WT1: variants seen among roughly 807,000 people sequenced by gnomAD.
The protein encoded by WT1 is WT1 transcription factor.
A neutral mutation model predicts 60.8 loss-of-function variants in WT1; 8 were observed. The observed-to-expected ratio is 0.13, with a 90% CI of 0.08 to 0.24. The LOEUF is 0.24. Ranked by LOEUF, WT1 falls within the 10% of genes least tolerant of loss-of-function variation. The pLI, the probability that WT1 is intolerant of heterozygous loss-of-function variation, is 1.00. For synonymous variants in WT1, 312 were observed against 297.1 expected, an observed-to-expected ratio of 1.05 and a Z score of -0.52; for missense variants, 568 against 711.8, an observed-to-expected ratio of 0.80 and a Z score of 2.30.
chr11:32,430,487 AG>A, intron 1 of WT1: 1 of 1,591,030 alleles, frequency 6.3e-7, no homozygotes. Flanking sequence ...AGAGAGAGAG[AG>A]AGACGAAATA....
At chr11:32,428,187 A>G in intron 2 of WT1, 129 bp from the exon 3 acceptor site, 1 of 939,864 alleles carries the variant, frequency 1.1e-6, no homozygotes, top group Non-Finnish European at 1.6e-6. Flanking sequence ...AGCGGCGTGC[A>G]GAGCGAGGCC....
At chr11:32,410,533 T>G (rs1201921698) in intron 5 of WT1, among the ~76,000 whole-genome samples, 2 of 152,196 alleles carry the variant, frequency 1.3e-5, no homozygotes. Flanking sequence ...TTCCAGAATT[T>G]TTTCTCTGAA....
At position 32,428,529 on chromosome 11, in the gene WT1, T is replaced by G; in HGVS notation, c.752A>C (p.His251Pro). ...GCCCTGCTGGCCCATGGGATCCTCATGCTTGAATGAGTGGTTGGGGAACTG... is the reference window on the plus strand; with the variant it reads ...GCCCTGCTGGCCCATGGGATCCTCAGGCTTGAATGAGTGGTTGGGGAACTG... The change falls in exon 2 of 10, where the codon CAT (histidine) becomes CCT (proline). Residue 251 changes from histidine to proline, a missense_variant. By Grantham distance (77) the His-to-Pro change is moderately conservative (BLOSUM62 -2). Transcript: ENST00000452863. 6.2e-7 allele frequency: 1 copy of G among 1,614,152 alleles called. No homozygotes were observed. The highest frequency in any genetic ancestry group is 1.3e-5 in the African/African-American group (1 of 75,060).
intron 1 of WT1, chr11:32,430,698 G>T: frequency 7.0e-7 from 1 of 1,422,944 alleles, no homozygotes; most frequent in Non-Finnish European, 9.2e-7. Context: ...AAGGATGCCC[G>T]TGGCCCGCGA....
At position 32,431,808 on chromosome 11, in the gene WT1, C is replaced by A. The variant is rs183922450; in HGVS notation, c.661+2892G>T. 3.0e-4 allele frequency among the ~76,000 whole-genome samples: 45 copies of A among 152,200 alleles called. No individual in the cohort carries two copies. The East Asian group carries it at 8.5e-3, about 29-fold the overall frequency. ...ATCTGCCCTCACAAACCCGTCAACC[C>A]CCACACATGGACTAAGAGTTTGGTG... is the stretch of plus-strand genomic sequence containing the variant. On this transcript the variant is annotated intron_variant, in intron 1 of 9. Coordinates refer to ENST00000452863, the MANE Select transcript of WT1 (RefSeq NM_024426.6).
intron 5 of WT1, among the ~76,000 whole-genome samples, chr11:32,413,573 C>T (rs1473308723): frequency 6.6e-6 from 1 of 152,132 alleles, no homozygotes; most frequent in Non-Finnish European, 1.5e-5. Context: ...TGTTTGAATG[C>T]TAAAAGTGAG....
chr11:32,423,639 C>A (rs947277605), intron 3 of WT1, among the ~76,000 whole-genome samples: 11 of 152,210 alleles, frequency 7.2e-5, no homozygotes, highest in African/African-American at 2.7e-4. Flanking sequence ...GATTCTGGAG[C>A]TGTATTGCCT....
chr11:32,399,444 T>C (rs550379233), intron 6 of WT1, among the ~76,000 whole-genome samples: 2 of 152,270 alleles, frequency 1.3e-5, no homozygotes, highest in East Asian at 1.9e-4. Context: ...ATGGTACTAA[T>C]AGGGTAAAGT....
chr11:32,418,091 T>C (rs1057453600), intron 3 of WT1, among the ~76,000 whole-genome samples: 2 of 151,906 alleles, frequency 1.3e-5, no homozygotes, highest in African/African-American at 4.8e-5. Context: ...ATAAGTATCA[T>C]GTGGATTATG....
chr11:32,415,294 AG>A (rs1434545087), intron 5 of WT1, among the ~76,000 whole-genome samples: 5 of 152,174 alleles, frequency 3.3e-5, no homozygotes, highest in African/African-American at 1.2e-4. Context: ...AAAGGAGAAA[AG>A]GAAGGGAGCC....
intron 1 of WT1, chr11:32,430,633 C>G: frequency 7.9e-6 from 12 of 1,525,700 alleles, no homozygotes; most frequent in Non-Finnish European, 9.7e-6. Flanking sequence ...GCCGTGGGTC[C>G]CGAGTCGCGG....
chr11:32,416,551 A>C lies in WT1; in HGVS notation c.966-11T>G. 6.2e-7 allele frequency: 1 copy of C among 1,614,160 alleles called. No homozygotes were observed. The highest frequency in any genetic ancestry group is 2.2e-5 in the East Asian group (1 of 44,886). ...CTCCCAGCAGCAACTCTAGAAAAGAAGAAGAGGTGGGGAGTGGGGAATGGA... is the reference window on the plus strand; with the variant it reads ...CTCCCAGCAGCAACTCTAGAAAAGACGAAGAGGTGGGGAGTGGGGAATGGA... On this transcript the variant is annotated splice_polypyrimidine_tract_variant and intron_variant, in intron 4 of 9. Coordinates refer to ENST00000452863, the MANE Select transcript of WT1 (RefSeq NM_024426.6).
rs536820150 is a variant in WT1 at position 32,389,997 on chromosome 11, C to T, written c.1448-818G>A. Reference sequence around the variant, plus strand: ...ACCTCATGTACTCCTTACAACTGCCCGTAGGGGAAGCGTTATTATCCCCAC... The same window carrying T: ...ACCTCATGTACTCCTTACAACTGCCTGTAGGGGAAGCGTTATTATCCCCAC... On this transcript the variant is annotated intron_variant, in intron 9 of 9. Transcript: ENST00000452863. 2.6e-5 allele frequency among the ~76,000 whole-genome samples: 4 copies of T among 152,240 alleles called. No individual in the cohort carries two copies. The East Asian group carries it at 5.8e-4, about 22-fold the overall frequency.
chr11:32,429,978 G>GA (rs71980595), intron 1 of WT1, among the ~76,000 whole-genome samples: 4,242 of 91,136 alleles, frequency 0.047, 229 homozygotes, highest in African/African-American at 0.19. Context: ...CCCCCGCCCA[G>GA]AAAAAAAAAA....
At chr11:32,394,171 G>C (rs1380252832) in intron 7 of WT1, among the ~76,000 whole-genome samples, 1 of 152,180 alleles carries the variant, frequency 6.6e-6, no homozygotes, top group African/African-American at 2.4e-5. Flanking sequence ...GGGATTACAG[G>C]TGTGAGCCAC....
intron 5 of WT1, among the ~76,000 whole-genome samples, chr11:32,401,058 G>A (rs188318060): frequency 2.0e-5 from 3 of 152,318 alleles, no homozygotes; most frequent in Admixed American, 2.0e-4. Context: ...TATACATTGT[G>A]CATTAGCAGC....
At chr11:32,428,705 G>C (rs1177821348) in intron 1 of WT1, 86 bp from the exon 2 acceptor site, 1 of 1,546,972 alleles carries the variant, frequency 6.5e-7, no homozygotes, top group Non-Finnish European at 8.7e-7. Context: ...GGGCGGGGGG[G>C]GTGTGCGCTG....
Position 32,392,841 on chromosome 11 carries a change from G to A in WT1, c.1265-86C>T, listed in dbSNP as rs559998838. Reference sequence around the variant, plus strand: ...CAACCTCTCCTACTAGGACTGAACAGATCCCAAAATGCCTAAGGCACTTCG... The same window carrying A: ...CAACCTCTCCTACTAGGACTGAACAAATCCCAAAATGCCTAAGGCACTTCG... On this transcript the variant is annotated intron_variant, in intron 7 of 9. Coordinates refer to ENST00000452863, the MANE Select transcript of WT1 (RefSeq NM_024426.6). The A allele has an allele frequency of 8.7e-6, 11 of 1,271,098 alleles. No homozygotes were observed. The South Asian group carries it at 1.3e-4, about 16-fold the overall frequency. The allele number at this position is 1,271,098 out of a possible 1,614,324, so 78.7% of individuals were successfully genotyped here. A position where few individuals can be genotyped will look rare whatever the true frequency, so the allele number is the denominator to read the frequency against.
intron 5 of WT1, among the ~76,000 whole-genome samples, chr11:32,406,956 G>A (rs146369074): frequency 0.045 from 6,861 of 152,022 alleles, 211 homozygotes; most frequent in Non-Finnish European, 0.073. Flanking sequence ...AAAATTAGCC[G>A]GGTGGGGTGG....
Sources: allele counts gnomAD v4.1 joint callset (sites outside exome capture counted in the v4.1 genomes callset), GRCh38; gene constraint gnomAD v4.1.1; transcripts MANE v1.5; gene names NCBI Gene and HGNC (gene_info 2026-07-23, HGNC 2026-07-21).